Variants in POU2AF1 observed in about 807,000 individuals in gnomAD.
POU2AF1 encodes the protein POU class 2 homeobox associating factor 1.
Under a neutral mutation model 26.3 loss-of-function variants are expected in POU2AF1, and 12 were observed. The observed-to-expected ratio is 0.46, with a 90% CI of 0.29 to 0.74. POU2AF1 has a LOEUF of 0.74. Ranked by LOEUF, POU2AF1 falls within the 30% of genes least tolerant of loss-of-function variation. POU2AF1 has a pLI of 0.09. For missense variants in POU2AF1, 297 were observed against 334.5 expected, an observed-to-expected ratio of 0.89 and a Z score of 0.87; for synonymous variants, 175 against 148.0, an observed-to-expected ratio of 1.18 and a Z score of -1.32.
At chr11:111,368,003 G>T (rs756695420) in intron 1 of POU2AF1, among the ~76,000 whole-genome samples, 1 of 152,202 alleles carries the variant, frequency 6.6e-6, no homozygotes, top group Non-Finnish European at 1.5e-5. Flanking sequence ...CCCTGGCAGA[G>T]CATTCACTGA....
At position 111,379,221 on chromosome 11, in the gene POU2AF1, T is replaced by G; in HGVS notation, c.-44A>C. ...GCCTTTTCTCTTTGAAGCCGACAGT[T>G]TGGCTTCTTTAATGTGAGACCGGGG... is the stretch of plus-strand genomic sequence containing the variant. On this transcript the variant is annotated 5_prime_UTR_variant, in exon 1 of 5. Coordinates refer to ENST00000393067, the MANE Select transcript of POU2AF1 (RefSeq NM_006235.3). 1 of 1,613,818 alleles carries G rather than the reference T, an allele frequency of 6.2e-7. No individual in the cohort carries two copies. Among genetic ancestry groups the G allele is most frequent in the Non-Finnish European group, 8.5e-7 (1 of 1,179,716 alleles).
At chr11:111,373,631 G>A (rs1041779484) in intron 1 of POU2AF1, among the ~76,000 whole-genome samples, 16 of 152,206 alleles carry the variant, frequency 1.1e-4, no homozygotes, top group African/African-American at 3.9e-4. Context: ...AATTAGCCAG[G>A]AAAAGGCAAG....
At chr11:111,356,855 C>T (rs1448287284) in intron 4 of POU2AF1, among the ~76,000 whole-genome samples, 1 of 152,164 alleles carries the variant, frequency 6.6e-6, no homozygotes, top group East Asian at 1.9e-4. Flanking sequence ...GACACTGAGG[C>T]TCAGAGAGTT....
At chr11:111,361,025 A>G (rs1445695717) in intron 1 of POU2AF1, among the ~76,000 whole-genome samples, 5 of 152,132 alleles carry the variant, frequency 3.3e-5, no homozygotes. Flanking sequence ...CTAATTTAAC[A>G]TAAGAATCTC....
At chr11:111,360,942 C>CAAA (rs200008065) in intron 1 of POU2AF1, among the ~76,000 whole-genome samples, 1 of 86,734 alleles carries the variant, frequency 1.2e-5, no homozygotes, top group Non-Finnish European at 2.5e-5. Context: ...GACTCTGTCT[C>CAAA]AAAAAAAAAA....
chr11:111,372,912 C>T (rs899662313), intron 1 of POU2AF1, among the ~76,000 whole-genome samples: 6 of 152,026 alleles, frequency 3.9e-5, no homozygotes, highest in Non-Finnish European at 7.4e-5. Flanking sequence ...CTTGCTTGTC[C>T]GAAGATGTGA....
At chr11:111,363,883 A>G (rs1861056660) in intron 1 of POU2AF1, 1 of 985,258 alleles carries the variant, frequency 1.0e-6, no homozygotes, top group East Asian at 1.1e-4. Flanking sequence ...GGTATCCAAG[A>G]GTCCATCACG....
Position 111,353,632 on chromosome 11 carries a change from T to G in POU2AF1, c.*629A>C, listed in dbSNP as rs1860779097. 4.3e-6 allele frequency: 1 copy of G among 234,168 alleles called. No individual in the cohort carries two copies. 14.5% of individuals were successfully genotyped at this position (234,168 alleles called of 1,614,324 possible). ...CAGGGTAGGCCCTTGGCTGACTTTC[T>G]CAGGAGGTGCTGTCGGGGCTGGTCT... On this transcript the variant is annotated 3_prime_UTR_variant, in exon 5 of 5. Coordinates refer to ENST00000393067, the MANE Select transcript of POU2AF1 (RefSeq NM_006235.3).
At chr11:111,378,498 GT>G (rs1861353755) in intron 1 of POU2AF1, among the ~76,000 whole-genome samples, 1 of 152,150 alleles carries the variant, frequency 6.6e-6, no homozygotes, top group African/African-American at 2.4e-5. Context: ...GTTCACAATT[GT>G]TTCATCCAAC....
chr11:111,367,581 GA>G (rs1247537104), intron 1 of POU2AF1, among the ~76,000 whole-genome samples: 6 of 151,042 alleles, frequency 4.0e-5, no homozygotes. Context: ...GTCTCTGCCC[GA>G]GCAAGTCCCA....
At chr11:111,358,472 A>G (rs1268549788) in intron 2 of POU2AF1, among the ~76,000 whole-genome samples, 3 of 61,700 alleles carry the variant, frequency 4.9e-5, no homozygotes, top group Non-Finnish European at 8.8e-5. Flanking sequence ...ACACACATAC[A>G]TTCTCACACA....
chr11:111,361,617 C>T (rs12362819), intron 1 of POU2AF1, among the ~76,000 whole-genome samples: 2,119 of 152,216 alleles, frequency 0.014, 22 homozygotes, highest in Middle Eastern at 0.027. Context: ...ACCTTCCTTT[C>T]GGGGGGATAT....
chr11:111,374,398 G>T (rs912889664), intron 1 of POU2AF1, among the ~76,000 whole-genome samples: 9 of 152,154 alleles, frequency 5.9e-5, no homozygotes, highest in Middle Eastern at 3.2e-3. Context: ...GCCCTTAACA[G>T]CAAGAACTGC....
Position 111,362,764 on chromosome 11 carries a change from T to TGG in POU2AF1, c.17-3848_17-3847dup, listed in dbSNP as rs141207117. On this transcript the variant is annotated intron_variant, in intron 1 of 4. Transcript: ENST00000393067. ...GAGAAATTTGGGAAATGGGGTTACT[T>TGG]GGGGGGGTCTGAGCACTGTGGTCAC... Among the ~76,000 whole-genome samples the TGG allele has an allele frequency of 3.1e-3, 479 of 152,090 alleles. 2 individuals are homozygous for TGG. The highest frequency in any genetic ancestry group is 0.011 in the African/African-American group (450 of 41,450).
At chr11:111,357,923 G>A (rs1760164766) in intron 2 of POU2AF1, 86 bp from the exon 3 acceptor site, 1 of 1,352,528 alleles carries the variant, frequency 7.4e-7, no homozygotes, top group South Asian at 1.5e-5. Flanking sequence ...GGGCCTCAGG[G>A]CAGGAGAATA....
At chr11:111,371,907 GC>G (rs1565366740) in intron 1 of POU2AF1, among the ~76,000 whole-genome samples, 2 of 151,998 alleles carry the variant, frequency 1.3e-5, no homozygotes, top group African/African-American at 4.8e-5. Flanking sequence ...AGATCTGCCT[GC>G]CCCAGAAGCT....
At chr11:111,378,555 T>A in intron 1 of POU2AF1, among the ~76,000 whole-genome samples, 1 of 152,280 alleles carries the variant, frequency 6.6e-6, no homozygotes, top group Middle Eastern at 3.4e-3. Context: ...CTGCATCCTT[T>A]GCAGTGGGAT....
Position 111,353,098 on chromosome 11 carries a change from C to T in POU2AF1, c.*1163G>A. On this transcript the variant is annotated 3_prime_UTR_variant, in exon 5 of 5. Coordinates refer to ENST00000393067, the MANE Select transcript of POU2AF1 (RefSeq NM_006235.3). Reference sequence around the variant, plus strand: ...TGGTAGCACTAAGCCTAGGCGAGGACCCATCACCTTTAGGCTTAATGGGGT... The same window carrying T: ...TGGTAGCACTAAGCCTAGGCGAGGATCCATCACCTTTAGGCTTAATGGGGT... 4.4e-6 allele frequency: 1 copy of T among 228,784 alleles called. No individual in the cohort carries two copies. Among genetic ancestry groups the T allele is most frequent in the East Asian group, 6.2e-5 (1 of 16,062 alleles). The allele number at this position is 228,784 out of a possible 1,614,324, so 14.2% of individuals were successfully genotyped here. A position where few individuals can be genotyped will look rare whatever the true frequency, so the allele number is the denominator to read the frequency against.
chr11:111,368,114 C>A (rs958680919), intron 1 of POU2AF1, among the ~76,000 whole-genome samples: 1 of 152,152 alleles, frequency 6.6e-6, no homozygotes, highest in African/African-American at 2.4e-5. Flanking sequence ...ATTGCACAAA[C>A]AAATTTAGAA....
Sources: gnomAD v4.1 joint callset for allele counts (sites outside exome capture counted in the v4.1 genomes callset) on GRCh38, gnomAD v4.1.1 for gene constraint, MANE v1.5 for transcripts, NCBI Gene and HGNC (gene_info 2026-07-23, HGNC 2026-07-21) for gene names.